The following ATP10A variants were observed in gnomAD, a reference collection of about 807,000 sequenced individuals.
ATP10A encodes ATPase phospholipid transporting 10A (putative).
A neutral mutation model predicts 147.8 loss-of-function variants in ATP10A; 111 were observed. That is an observed-to-expected ratio of 0.75 (90% confidence interval 0.64 to 0.88). The LOEUF (loss-of-function observed/expected upper bound fraction) is 0.88. ATP10A is among the 40% of genes least tolerant of loss of function. ATP10A has a pLI of 0.00. For synonymous variants in ATP10A, 875 were observed against 841.6 expected (o/e 1.04, Z -0.69); for missense variants, 1,927 against 1,959.0 (o/e 0.98, Z 0.31).
chr15:25,833,447 A>G (rs979367546), intron 1 of ATP10A, among the ~76,000 whole-genome samples: 1 of 152,132 alleles, frequency 6.6e-6, no homozygotes, highest in African/African-American at 2.4e-5. Flanking sequence ...CCTGCTCACC[A>G]TGAATTTCTT....
chr15:25,711,238 G>C lies in ATP10A; in HGVS notation c.2344+2436C>G, dbSNP rs28401767. ...GGGCCTCTTCTGGTGAAAGTGTTTC[G>C]AGCCCTCTGAAGAGGGCATCAGATT... On this transcript the variant is annotated intron_variant, in intron 10 of 20. Transcript: ENST00000555815. 3.5e-3 allele frequency among the ~76,000 whole-genome samples: 533 copies of C among 152,132 alleles called. 6 individuals carry two copies. Among genetic ancestry groups the C allele is most frequent in the African/African-American group, 0.012 (504 of 41,496 alleles).
chr15:25,678,345 G>A (rs117249161), downstream of ATP10A: 2 of 152,228 alleles, frequency 1.3e-5, no homozygotes, highest in Non-Finnish European at 2.9e-5. Context: ...CACAGTCCCG[G>A]TGCCGAGCAG....
At chr15:25,789,007 C>T (rs1460200663) in intron 1 of ATP10A, among the ~76,000 whole-genome samples, 2 of 152,134 alleles carry the variant, frequency 1.3e-5, no homozygotes, top group Non-Finnish European at 2.9e-5. Flanking sequence ...ATTCAGGCTG[C>T]AGTACAGGGC....
At chr15:25,681,111 G>C in intron 17 of ATP10A, 37 bp from the exon 18 acceptor site, 1 of 1,580,410 alleles carries the variant, frequency 6.3e-7, no homozygotes, top group South Asian at 1.1e-5. Context: ...TTACAGTGAA[G>C]CATTGGCATC....
At chr15:25,834,722 A>G (rs1331637800) in intron 1 of ATP10A, among the ~76,000 whole-genome samples, 2 of 152,362 alleles carry the variant, frequency 1.3e-5, no homozygotes, top group African/African-American at 4.8e-5. Context: ...CCAAATGTCC[A>G]TCAATGACAA....
chr15:25,760,810 C>T (rs1295218749), intron 2 of ATP10A, among the ~76,000 whole-genome samples: 1 of 152,158 alleles, frequency 6.6e-6, no homozygotes, highest in African/African-American at 2.4e-5. Context: ...CGTGCCACTG[C>T]ACTCCGGCCT....
At chr15:25,743,751 T>C (rs1887688420) in intron 2 of ATP10A, among the ~76,000 whole-genome samples, 1 of 152,234 alleles carries the variant, frequency 6.6e-6, no homozygotes, top group Admixed American at 6.5e-5. Flanking sequence ...TTGGCAGGGC[T>C]GTGTTCCTTT....
At chr15:25,713,582 A>C in intron 10 of ATP10A, 92 bp downstream of exon 10, 1 of 1,260,282 alleles carries the variant, frequency 7.9e-7, no homozygotes, top group Non-Finnish European at 1.1e-6. Flanking sequence ...GATTAATGAA[A>C]ATCACTTTAC....
chr15:25,807,835 C>A lies in ATP10A; in HGVS notation c.450-26612G>T, dbSNP rs938097412. Among the ~76,000 whole-genome samples, 30 of 139,552 alleles carry A rather than the reference C, an allele frequency of 2.1e-4. No homozygotes were observed. The South Asian group carries it at 4.7e-3, about 22-fold the overall frequency. 91.6% of individuals were successfully genotyped at this position (139,552 alleles called of 152,430 possible). On this transcript the variant is annotated intron_variant, in intron 1 of 20. Coordinates refer to ENST00000555815, the MANE Select transcript of ATP10A (RefSeq NM_024490.4). ...AAAAAAAAGAAAAAGAAAAAAAAAA[C>A]CCAACATGTATTGGTGACAACCGGG...
chr15:25,837,909 G>A (rs1372542359), intron 1 of ATP10A, among the ~76,000 whole-genome samples: 1 of 152,234 alleles, frequency 6.6e-6, no homozygotes, highest in African/African-American at 2.4e-5. Context: ...GCTCTTGGAA[G>A]GAAGGTATGC....
chr15:25,680,944 G>A (rs1899373954), intron 18 of ATP10A, 30 bp from the exon 19 acceptor site: 9 of 1,613,722 alleles, frequency 5.6e-6, no homozygotes, highest in Non-Finnish European at 7.6e-6. Flanking sequence ...TGGATCTGTA[G>A]GTCCCCGGAT....
chr15:25,685,648 T>A (rs1479098228), intron 16 of ATP10A, among the ~76,000 whole-genome samples: 1 of 151,876 alleles, frequency 6.6e-6, no homozygotes. Context: ...CTGGGCAACA[T>A]AGCGACACCC....
intron 1 of ATP10A, among the ~76,000 whole-genome samples, chr15:25,844,041 G>T (rs1200540373): frequency 1.3e-5 from 2 of 152,132 alleles, no homozygotes; most frequent in African/African-American, 2.4e-5. Context: ...CGAATAGAGA[G>T]ATCACCTGAT....
chr15:25,798,556 G>A (rs1890793027), intron 1 of ATP10A, among the ~76,000 whole-genome samples: 2 of 152,214 alleles, frequency 1.3e-5, no homozygotes. Context: ...GCTCCTGGGG[G>A]CTTAGACAGC....
At chr15:25,833,632 CTA>C (rs927329288) in intron 1 of ATP10A, among the ~76,000 whole-genome samples, 3 of 152,192 alleles carry the variant, frequency 2.0e-5, no homozygotes, top group African/African-American at 7.2e-5. Flanking sequence ...CTCTCAGTTC[CTA>C]TGTTACTCCT....
In ATP10A at chr15:25,862,782, G is replaced by A. The variant is rs1426071312; in HGVS notation, c.315C>T (p.Ala105=). The A allele has an allele frequency of 1.2e-6, 2 of 1,610,554 alleles. No homozygotes were observed. The highest frequency in any genetic ancestry group is 1.3e-5 in the African/African-American group (1 of 74,846). The part of the protein sequence containing the change: ...ALLNFVPAVN[A]FQPGLALAPV... ...GCGCCAGTGCCAGGCCGGGCTGGAA[G>A]GCGTTCACCGCCGGCACGAAGTTGA... Residue 105 remains alanine, a synonymous_variant, in exon 1 of 21, where the codon GCC becomes GCT. Transcript: ENST00000555815.
chr15:25,837,091 C>T (rs536986136), intron 1 of ATP10A, among the ~76,000 whole-genome samples: 8 of 151,882 alleles, frequency 5.3e-5, no homozygotes, highest in African/African-American at 1.4e-4. Context: ...CATTTTTTTT[C>T]GGTGAAAACA....
chr15:25,857,627 G>T (rs1264798010), intron 1 of ATP10A, among the ~76,000 whole-genome samples: 1 of 152,158 alleles, frequency 6.6e-6, no homozygotes, highest in Non-Finnish European at 1.5e-5. Context: ...AATAATGTTA[G>T]CCATGAGTTG....
rs780849516 is a variant in ATP10A at position 25,708,179 on chromosome 15, G to A, written c.2448+18C>T. ...CGGCCACCTGCACGTGCACCCTCGCGGAGACACCCCCACTCACTCTCTTGG... is the reference window on the plus strand; with the variant it reads ...CGGCCACCTGCACGTGCACCCTCGCAGAGACACCCCCACTCACTCTCTTGG... On this transcript the variant is annotated intron_variant, in intron 11 of 20. Transcript: ENST00000555815. 6.2e-6 allele frequency: 10 copies of A among 1,614,002 alleles called. No homozygotes were observed. Among genetic ancestry groups the A allele is most frequent in the East Asian group, 2.2e-5 (1 of 44,884 alleles).
Sources: gnomAD v4.1 joint callset for allele counts (sites outside exome capture counted in the v4.1 genomes callset) on GRCh38, gnomAD v4.1.1 for gene constraint, MANE v1.5 for transcripts, NCBI Gene and HGNC (gene_info 2026-07-23, HGNC 2026-07-21) for gene names.